Variants in ZFAT observed in about 807,000 individuals in gnomAD.
The protein encoded by ZFAT is zinc finger protein ZFAT.
A neutral mutation model predicts 117.7 loss-of-function variants in ZFAT; 64 were observed. The ratio of observed to expected loss-of-function variants is 0.54; its 90% confidence interval spans 0.44 to 0.67. The LOEUF is 0.67. ZFAT is among the 30% of genes least tolerant of loss of function. The pLI, the probability that ZFAT is intolerant of heterozygous loss-of-function variation, is 0.00. For missense variants in ZFAT, 1,433 were observed against 1,584.5 expected (o/e 0.90, Z 1.62); for synonymous variants, 679 against 615.0 (o/e 1.10, Z -1.54).
chr8:134,669,187 T>C (rs1367032919), intron 1 of ZFAT, among the ~76,000 whole-genome samples: 1 of 152,178 alleles, frequency 6.6e-6, no homozygotes, highest in Non-Finnish European at 1.5e-5. Flanking sequence ...TGCAGGATAT[T>C]ATCCAGGAGA....
chr8:134,597,874 T>C (rs1827085068), intron 7 of ZFAT: 2 of 152,250 alleles, frequency 1.3e-5, no homozygotes, highest in African/African-American at 2.4e-5. Flanking sequence ...GCATATCTCT[T>C]TTGTAAGGTC....
At chr8:134,484,434 C>T (rs1312840683) in intron 15 of ZFAT, among the ~76,000 whole-genome samples, 2 of 152,212 alleles carry the variant, frequency 1.3e-5, no homozygotes, top group East Asian at 3.9e-4. Context: ...GCCCTTGGTT[C>T]AAACTCTGTC....
intron 2 of ZFAT, among the ~76,000 whole-genome samples, chr8:134,648,171 C>T (rs969679946): frequency 6.6e-6 from 1 of 151,174 alleles, no homozygotes; most frequent in Non-Finnish European, 1.5e-5. Flanking sequence ...GTCAAGTATA[C>T]CTTAATAAAG....
chr8:134,545,719 G>A (rs1286598148), intron 11 of ZFAT, among the ~76,000 whole-genome samples: 3 of 152,288 alleles, frequency 2.0e-5, no homozygotes, highest in East Asian at 3.9e-4. Flanking sequence ...CATTGAAGTC[G>A]GGACAGTGGT....
the ZFAT span, among the ~76,000 whole-genome samples, chr8:134,722,561 G>A: frequency 1.3e-5 from 2 of 152,184 alleles, no homozygotes; most frequent in Non-Finnish European, 2.9e-5. Context: ...AATAAGAAAC[G>A]ATCCGTGGTG....
intron 2 of ZFAT, among the ~76,000 whole-genome samples, chr8:134,642,096 A>G (rs556605750): frequency 6.6e-6 from 1 of 152,354 alleles, no homozygotes; most frequent in East Asian, 1.9e-4. Flanking sequence ...AGCAAACACA[A>G]CGTCCTCAAT....
intron 11 of ZFAT, among the ~76,000 whole-genome samples, chr8:134,535,486 C>A (rs1393627373): frequency 2.5e-5 from 3 of 122,256 alleles, no homozygotes; most frequent in Non-Finnish European, 3.4e-5. Context: ...TCCCCCTCCC[C>A]CTCCCCCTCC....
chr8:134,529,860 C>T (rs1019574725), intron 12 of ZFAT, among the ~76,000 whole-genome samples: 1 of 152,178 alleles, frequency 6.6e-6, no homozygotes, highest in Non-Finnish European at 1.5e-5. Flanking sequence ...GCCACTCTTC[C>T]CAGCAAGCTT....
intron 3 of ZFAT, among the ~76,000 whole-genome samples, chr8:134,630,768 T>C (rs1159670604): frequency 1.3e-5 from 2 of 152,206 alleles, no homozygotes; most frequent in South Asian, 4.1e-4. Context: ...ATAAAATAAA[T>C]AAATGTTGAA....
At chr8:134,717,896 T>C (rs1814229907), upstream of ZFAT, among the ~76,000 whole-genome samples, 1 of 152,084 alleles carries the variant, frequency 6.6e-6, no homozygotes, top group Non-Finnish European at 1.5e-5. Flanking sequence ...AGTTTTACCA[T>C]GTTGGCCAGG....
chr8:134,545,660 G>A (rs1483406245), intron 11 of ZFAT, among the ~76,000 whole-genome samples: 1 of 152,188 alleles, frequency 6.6e-6, no homozygotes, highest in Non-Finnish European at 1.5e-5. Flanking sequence ...TTTAGCGTGT[G>A]TTTTACTGGC....
intron 2 of ZFAT, among the ~76,000 whole-genome samples, chr8:134,652,155 T>TA (rs1049040170): frequency 2.6e-5 from 4 of 152,042 alleles, no homozygotes; most frequent in Non-Finnish European, 5.9e-5. Flanking sequence ...CCATCCCTAG[T>TA]AAAAATATAA....
intron 5 of ZFAT, among the ~76,000 whole-genome samples, chr8:134,605,752 G>A (rs532423985): frequency 9.2e-5 from 14 of 152,270 alleles, no homozygotes; most frequent in African/African-American, 3.1e-4. Flanking sequence ...TTGTTTGCAC[G>A]TTTATCTTTC....
chr8:134,619,485 AC>A (rs1411217625), intron 3 of ZFAT, among the ~76,000 whole-genome samples: 1 of 152,138 alleles, frequency 6.6e-6, no homozygotes, highest in Non-Finnish European at 1.5e-5. Flanking sequence ...AACAGTCCCT[AC>A]TGATAAGGAC....
At chr8:134,788,013 TTTC>T in the ZFAT span, among the ~76,000 whole-genome samples, 13 of 152,098 alleles carry the variant, frequency 8.5e-5, no homozygotes, top group Non-Finnish European at 1.9e-4. Context: ...ATGGTATTAT[TTTC>T]TTCTTTCTAA....
the ZFAT span, among the ~76,000 whole-genome samples, chr8:134,761,038 A>G: frequency 1.8e-4 from 28 of 152,366 alleles, no homozygotes; most frequent in African/African-American, 6.7e-4. Context: ...CTTTTATCTT[A>G]GAGGAGACAA....
rs1814083200 is a variant in ZFAT at position 134,713,013 on chromosome 8, G to C, written c.-150C>G. The C allele has an allele frequency of 1.1e-6, 1 of 924,532 alleles. No homozygotes were observed. Among genetic ancestry groups the C allele is most frequent in the South Asian group, 2.3e-5 (1 of 42,962 alleles). 57.3% of individuals were successfully genotyped at this position (924,532 alleles called of 1,614,324 possible). On this transcript the variant is annotated 5_prime_UTR_variant, in exon 1 of 16. Transcript: ENST00000377838. ...GCCGGCGAGGTTATGGCGAATCTGC[G>C]GCATCCAACATGGCGGATGGAGTCT... is the stretch of plus-strand genomic sequence containing the variant.
chr8:134,691,092 CCTA>C (rs1295593111), intron 1 of ZFAT, among the ~76,000 whole-genome samples: 4 of 152,254 alleles, frequency 2.6e-5, no homozygotes, highest in Non-Finnish European at 4.4e-5. Flanking sequence ...GTCAGAAAGT[CCTA>C]CCTGGCCCTC....
rs111946450 is a variant in ZFAT, at chr8:134,489,670, T to C, written c.3493-10949A>G. 6.8e-3 allele frequency among the ~76,000 whole-genome samples: 1,043 copies of C among 152,276 alleles called. 10 individuals are homozygous for C. Among genetic ancestry groups the C allele is most frequent in the Non-Finnish European group, 7.0e-3 (479 of 68,014 alleles). ...GCTCTTCTCTCTCCACATCCCCTCCTTCCATCATCTCCGCCAGGCTCATGG... is the reference window on the plus strand; with the variant it reads ...GCTCTTCTCTCTCCACATCCCCTCCCTCCATCATCTCCGCCAGGCTCATGG... On this transcript the variant is annotated intron_variant, in intron 15 of 15. Transcript: ENST00000377838.
Sources: allele counts gnomAD v4.1 joint callset (sites outside exome capture counted in the v4.1 genomes callset), GRCh38; gene constraint gnomAD v4.1.1; transcripts MANE v1.5; gene names NCBI Gene and HGNC (gene_info 2026-07-23, HGNC 2026-07-21).